Variants in PLCB1 observed in about 807,000 individuals in gnomAD.
PLCB1 encodes phospholipase C beta 1, also known as 1-phosphatidylinositol 4,5-bisphosphate phosphodiesterase beta-1.
PLCB1 carries 46 observed loss-of-function variants against 161.8 expected under a neutral mutation model. The ratio of observed to expected loss-of-function variants is 0.28; its 90% CI spans 0.22 to 0.36. PLCB1 has a LOEUF of 0.36. PLCB1 is among the 10% of genes least tolerant of loss of function. The probability of loss-of-function intolerance (pLI) is 1.00; values close to 1 mark genes in which losing one functional copy is unlikely to be tolerated. For synonymous variants in PLCB1, 517 were observed against 503.7 expected, an observed-to-expected ratio of 1.03 and a Z score of -0.35; for missense variants, 1,016 against 1,472.5, an observed-to-expected ratio of 0.69 and a Z score of 5.07.
intron 31 of PLCB1, among the ~76,000 whole-genome samples, chr20:8,826,304 G>A (rs1985695844): frequency 6.6e-6 from 1 of 152,006 alleles, no homozygotes; most frequent in African/African-American, 2.4e-5. Context: ...GACCATCCTG[G>A]CTAACATGGT....
chr20:8,214,835 A>T (rs551488980), intron 2 of PLCB1, among the ~76,000 whole-genome samples: 64 of 152,184 alleles, frequency 4.2e-4, no homozygotes, highest in African/African-American at 1.5e-3. Flanking sequence ...TCACTCTCAA[A>T]TATAAAAAGG....
At chr20:8,698,678 C>T (rs1990634514) in intron 11 of PLCB1, among the ~76,000 whole-genome samples, 1 of 152,094 alleles carries the variant, frequency 6.6e-6, no homozygotes, top group Non-Finnish European at 1.5e-5. Flanking sequence ...AGAGGACTTA[C>T]AGGACTTGGG....
chr20:8,142,191 T>A (rs1267107001), intron 1 of PLCB1, among the ~76,000 whole-genome samples: 4 of 152,144 alleles, frequency 2.6e-5, no homozygotes, highest in African/African-American at 9.7e-5. Context: ...AACTGTCTGG[T>A]GTTTGTCTGG....
At chr20:8,646,234 C>A in intron 5 of PLCB1, 53 bp downstream of exon 5, 1 of 1,191,882 alleles carries the variant, frequency 8.4e-7, no homozygotes, top group Non-Finnish European at 1.3e-6. Context: ...GAGTCAGTTT[C>A]CTTTCTCCTT....
chr20:8,283,553 TAAATA>T (rs1338023917), intron 2 of PLCB1, among the ~76,000 whole-genome samples: 1 of 133,994 alleles, frequency 7.5e-6, no homozygotes, highest in East Asian at 2.3e-4. Context: ...TTATAATAAA[TAAATA>T]AAATAAATCA....
intron 2 of PLCB1, among the ~76,000 whole-genome samples, chr20:8,153,020 A>G (rs2051525405): frequency 6.6e-6 from 1 of 152,172 alleles, no homozygotes; most frequent in Admixed American, 6.5e-5. Flanking sequence ...CCCTCTGTAG[A>G]CAATGACATG....
intron 2 of PLCB1, among the ~76,000 whole-genome samples, chr20:8,200,353 T>A (rs1345650504): frequency 6.6e-6 from 1 of 152,082 alleles, no homozygotes; most frequent in African/African-American, 2.4e-5. Flanking sequence ...TTAATCTACC[T>A]GGAGTCAATT....
intron 2 of PLCB1, among the ~76,000 whole-genome samples, chr20:8,160,005 A>G (rs922808239): frequency 1.7e-4 from 25 of 151,162 alleles, no homozygotes; most frequent in African/African-American, 5.6e-4. Flanking sequence ...AAAAAAAAAA[A>G]AAAGAAAAAA....
intron 2 of PLCB1, among the ~76,000 whole-genome samples, chr20:8,170,092 T>A (rs1455997052): frequency 6.6e-6 from 1 of 152,160 alleles, no homozygotes; most frequent in Non-Finnish European, 1.5e-5. Flanking sequence ...GCTCCTGTTC[T>A]CTTTCATCCC....
intron 3 of PLCB1, among the ~76,000 whole-genome samples, chr20:8,505,470 G>A (rs1258308902): frequency 6.6e-6 from 1 of 152,178 alleles, no homozygotes; most frequent in African/African-American, 2.4e-5. Flanking sequence ...CAACATGTAT[G>A]GTTCTCTCTC....
chr20:8,344,859 C>T (rs921044804), intron 2 of PLCB1, among the ~76,000 whole-genome samples: 7 of 152,116 alleles, frequency 4.6e-5, no homozygotes, highest in African/African-American at 1.7e-4. Flanking sequence ...AATGTTTGAA[C>T]GTTCAGGACA....
intron 3 of PLCB1, among the ~76,000 whole-genome samples, chr20:8,419,191 C>T (rs895933337): frequency 4.6e-5 from 7 of 152,086 alleles, no homozygotes; most frequent in African/African-American, 1.7e-4. Flanking sequence ...GTTTACTTGT[C>T]TTTGGTGTAG....
chr20:8,696,316 G>C (rs1052752671), intron 10 of PLCB1, among the ~76,000 whole-genome samples: 2 of 152,194 alleles, frequency 1.3e-5, no homozygotes, highest in African/African-American at 4.8e-5. Flanking sequence ...ACCATAAATT[G>C]AGGGTTTATT....
chr20:8,202,147 G>A (rs1600231393), intron 2 of PLCB1, among the ~76,000 whole-genome samples: 1 of 152,158 alleles, frequency 6.6e-6, no homozygotes, highest in Non-Finnish European at 1.5e-5. Context: ...GTGCATCTCT[G>A]CTCATTGCAA....
At chr20:8,792,654 G>A (rs1046363643) in intron 31 of PLCB1, 23 of 470,660 alleles carry the variant, frequency 4.9e-5, no homozygotes, top group African/African-American at 2.8e-4. Context: ...TTTGTGTCTG[G>A]ATTTGAAGGT....
At chr20:8,311,680 A>G (rs1056958787) in intron 2 of PLCB1, among the ~76,000 whole-genome samples, 3 of 152,198 alleles carry the variant, frequency 2.0e-5, no homozygotes, top group African/African-American at 7.2e-5. Context: ...CAGAAATGCT[A>G]TCATAACTCC....
At chr20:8,786,808 A>G (rs1983509571) in intron 27 of PLCB1, among the ~76,000 whole-genome samples, 2 of 150,922 alleles carry the variant, frequency 1.3e-5, no homozygotes, top group Non-Finnish European at 2.9e-5. Flanking sequence ...GATTCAAGTG[A>G]TTCTCCTGCC....
chr20:8,198,432 G>A (rs6055632), intron 2 of PLCB1, among the ~76,000 whole-genome samples: 1 of 152,016 alleles, frequency 6.6e-6, no homozygotes, highest in African/African-American at 2.4e-5. Flanking sequence ...TCCATTCAAG[G>A]TTGCAGAAGT....
chr20:8,276,965 C>CTTA (rs1263721109), intron 2 of PLCB1, among the ~76,000 whole-genome samples: 38 of 121,820 alleles, frequency 3.1e-4, no homozygotes, highest in Admixed American at 6.7e-4. Flanking sequence ...TCTTCTTCTT[C>CTTA]TTCTTCTTCT....
Sources: gnomAD v4.1 joint callset for allele counts (sites outside exome capture counted in the v4.1 genomes callset) on GRCh38, gnomAD v4.1.1 for gene constraint, MANE v1.5 for transcripts, NCBI Gene and HGNC (gene_info 2026-07-23, HGNC 2026-07-21) for gene names.